Variants in SND1 observed in about 807,000 individuals in gnomAD.
SND1 encodes staphylococcal nuclease domain-containing protein 1.
A neutral mutation model predicts 121.7 loss-of-function variants in SND1; 38 were observed. The ratio of observed to expected loss-of-function variants is 0.31; its 90% CI spans 0.24 to 0.41. SND1 has a LOEUF of 0.41. Among genes scored for constraint, SND1 ranks in the 10% least tolerant of loss-of-function variants. The pLI is 1.00. For missense variants in SND1, 868 were observed against 1,184.6 expected, an observed-to-expected ratio of 0.73 and a Z score of 3.92; for synonymous variants, 401 against 447.4, an observed-to-expected ratio of 0.90 and a Z score of 1.31.
Position 127,652,265 on chromosome 7 carries a change from TG to T in SND1, c.-107del. 1.1e-6 allele frequency: 1 copy of T among 915,192 alleles called. No homozygotes were observed. The highest frequency in any genetic ancestry group is 1.8e-6 in the Non-Finnish European group (1 of 567,140). 56.7% of individuals were successfully genotyped at this position (915,192 alleles called of 1,614,324 possible). On this transcript the variant is annotated 5_prime_UTR_variant, in exon 1 of 24. Coordinates refer to ENST00000354725, the MANE Select transcript of SND1 (RefSeq NM_014390.4). Reference sequence around the variant, plus strand: ...GTCCGTCCCGTCCACCGTCCGCAGCTGGTAGCCAGCCTGCCCCTCGCCTCGA... The same window carrying T: ...GTCCGTCCCGTCCACCGTCCGCAGCTGTAGCCAGCCTGCCCCTCGCCTCGA...
chr7:127,996,553 C>G (rs1563082728), intron 16 of SND1, among the ~76,000 whole-genome samples: 1 of 152,184 alleles, frequency 6.6e-6, no homozygotes, highest in East Asian at 1.9e-4. Context: ...ATCTCTGGAT[C>G]AAAGGAATGA....
intron 14 of SND1, among the ~76,000 whole-genome samples, chr7:127,919,253 C>T (rs1279776912): frequency 1.3e-5 from 2 of 152,132 alleles, no homozygotes; most frequent in African/African-American, 4.8e-5. Flanking sequence ...AGGTTACTTG[C>T]TGACTTTTTT....
At position 128,091,973 on chromosome 7, in the gene SND1, T is replaced by C. The variant is rs1793788891; in HGVS notation, c.2668-20T>C. 1 of 1,614,128 alleles carries C rather than the reference T, an allele frequency of 6.2e-7. No individual in the cohort carries two copies. Among genetic ancestry groups the C allele is most frequent in the Non-Finnish European group, 8.5e-7 (1 of 1,179,994 alleles). On this transcript the variant is annotated intron_variant, in intron 23 of 23. Transcript: ENST00000354725. Reference sequence around the variant, plus strand: ...TGGGTCCCGTATCCCTGAAGAGCTATTGTCTGTTTTTTCTTACAGCTGAAC... The same window carrying C: ...TGGGTCCCGTATCCCTGAAGAGCTACTGTCTGTTTTTTCTTACAGCTGAAC...
At chr7:128,030,799 A>C (rs1295925754) in intron 16 of SND1, 31 of 940,854 alleles carry the variant, frequency 3.3e-5, no homozygotes, top group Non-Finnish European at 4.4e-5. Flanking sequence ...GCCGAAAAAA[A>C]TCCTGCCAAA....
chr7:127,823,990 A>C (rs889252698), intron 11 of SND1, among the ~76,000 whole-genome samples: 1 of 152,250 alleles, frequency 6.6e-6, no homozygotes, highest in African/African-American at 2.4e-5. Context: ...ACACTTAAGC[A>C]ATGAAGGATT....
chr7:127,768,721 A>G lies in SND1; in HGVS notation c.1153-38763A>G, dbSNP rs1797463555. On this transcript the variant is annotated intron_variant, in intron 10 of 23. Transcript: ENST00000354725. ...CAGAATGACAAATTACAATAGAATT[A>G]TATTTTACCCAGGGGTAGAATCTAA... Among the ~76,000 whole-genome samples, 2 of 152,236 alleles carry G rather than the reference A, an allele frequency of 1.3e-5. 1 individual carries two copies. Among genetic ancestry groups the G allele is most frequent in the South Asian group, 4.1e-4 (2 of 4,834 alleles).
intron 14 of SND1, among the ~76,000 whole-genome samples, chr7:127,926,549 C>CTTTTTTTTTTTT (rs71160605): frequency 3.5e-4 from 32 of 90,558 alleles, no homozygotes; most frequent in Admixed American, 4.4e-4. Flanking sequence ...TTTTCTTTTT[C>CTTTTTTTTTTTT]TTTTTTTTTT....
intron 15 of SND1, among the ~76,000 whole-genome samples, chr7:127,957,410 T>G (rs1251945701): frequency 1.3e-5 from 2 of 152,196 alleles, no homozygotes; most frequent in Non-Finnish European, 2.9e-5. Context: ...TTGAAATTCA[T>G]TCCCTCATCT....
chr7:127,735,786 C>T (rs1006582357), intron 10 of SND1, among the ~76,000 whole-genome samples: 4 of 152,242 alleles, frequency 2.6e-5, no homozygotes, highest in Admixed American at 1.3e-4. Flanking sequence ...GCCACTATGC[C>T]TGGCTAATTT....
At chr7:128,073,765 C>T (rs1317578782) in intron 16 of SND1, among the ~76,000 whole-genome samples, 1 of 152,196 alleles carries the variant, frequency 6.6e-6, no homozygotes, top group African/African-American at 2.4e-5. Flanking sequence ...TCAGCTACCA[C>T]GAGGGCCACG....
At chr7:127,662,333 C>T (rs999369959) in intron 1 of SND1, among the ~76,000 whole-genome samples, 2 of 152,078 alleles carry the variant, frequency 1.3e-5, no homozygotes, top group African/African-American at 2.4e-5. Flanking sequence ...ATCTTTCTGT[C>T]GTAGATCTAC....
chr7:127,678,590 G>GCACA (rs1049051415), intron 1 of SND1, among the ~76,000 whole-genome samples: 1 of 151,926 alleles, frequency 6.6e-6, no homozygotes, highest in Non-Finnish European at 1.5e-5. Flanking sequence ...AAACACATAC[G>GCACA]CACACACACA....
In SND1 at chr7:127,677,524, C is replaced by T. The variant is rs541792872; in HGVS notation, c.79-9089C>T. On this transcript the variant is annotated intron_variant, in intron 1 of 23. Coordinates refer to ENST00000354725, the MANE Select transcript of SND1 (RefSeq NM_014390.4). ...CCATAAAACTAGTTTTCATCTCACTCGCTTGTCATAATGCTTTATATCAGG... is the reference window on the plus strand; with the variant it reads ...CCATAAAACTAGTTTTCATCTCACTTGCTTGTCATAATGCTTTATATCAGG... 7.2e-5 allele frequency among the ~76,000 whole-genome samples: 11 copies of T among 152,294 alleles called. No individual in the cohort carries two copies. In the East Asian group the frequency reaches 1.5e-3, roughly 21 times the overall value.
chr7:127,834,548 C>T (rs550248868), intron 11 of SND1, among the ~76,000 whole-genome samples: 17 of 152,236 alleles, frequency 1.1e-4, no homozygotes, highest in African/African-American at 3.4e-4. Context: ...CTATGCACGC[C>T]GTGCCTTTGA....
At chr7:127,659,779 G>A (rs1795276210) in intron 1 of SND1, among the ~76,000 whole-genome samples, 1 of 152,118 alleles carries the variant, frequency 6.6e-6, no homozygotes, top group South Asian at 2.1e-4. Context: ...CTGCCATTTG[G>A]GTAATGTTGG....
At chr7:127,927,599 C>T (rs1040614116) in intron 14 of SND1, among the ~76,000 whole-genome samples, 2 of 152,136 alleles carry the variant, frequency 1.3e-5, no homozygotes, top group African/African-American at 4.8e-5. Context: ...TCATGGTTAC[C>T]TTGCCTTTTA....
chr7:127,664,171 T>C (rs1028585314), intron 1 of SND1, among the ~76,000 whole-genome samples: 2 of 152,140 alleles, frequency 1.3e-5, no homozygotes, highest in African/African-American at 4.8e-5. Context: ...AGGCGGGGTC[T>C]CTCTGTGCTA....
intron 7 of SND1, among the ~76,000 whole-genome samples, chr7:127,703,850 GA>G (rs1176014637): frequency 6.6e-6 from 1 of 152,182 alleles, no homozygotes; most frequent in African/African-American, 2.4e-5. Context: ...GGGTTCATAA[GA>G]AGAGGAACTT....
chr7:128,080,322 G>C (rs571573335), intron 17 of SND1, among the ~76,000 whole-genome samples: 1 of 152,240 alleles, frequency 6.6e-6, no homozygotes, highest in Non-Finnish European at 1.5e-5. Context: ...TTGACACGCT[G>C]TCGCGTCAAA....
Sources: gnomAD v4.1 joint callset for allele counts (sites outside exome capture counted in the v4.1 genomes callset) on GRCh38, gnomAD v4.1.1 for gene constraint, MANE v1.5 for transcripts, NCBI Gene and HGNC (gene_info 2026-07-23, HGNC 2026-07-21) for gene names.